The following RRP12 variants were observed in gnomAD, a reference collection of about 807,000 sequenced individuals.
The protein encoded by RRP12 is ribosomal RNA processing 12 homolog.
RRP12 carries 78 observed loss-of-function variants against 157.3 expected under a neutral mutation model. The ratio of observed to expected loss-of-function variants is 0.50; its 90% CI spans 0.41 to 0.60. RRP12 has a LOEUF of 0.60. Among genes scored for constraint, RRP12 ranks in the 20% least tolerant of loss-of-function variants. The pLI is 0.00. For missense variants in RRP12, 1,521 were observed against 1,679.9 expected (o/e 0.91, Z 1.65); for synonymous variants, 726 against 670.9 (o/e 1.08, Z -1.27).
intron 24 of RRP12, among the ~76,000 whole-genome samples, chr10:97,369,861 G>A (rs1421302384): frequency 6.6e-6 from 1 of 152,238 alleles, no homozygotes; most frequent in African/African-American, 2.4e-5. Flanking sequence ...CCAAGAGGCA[G>A]GACTAGGACT....
intron 24 of RRP12, 100 bp downstream of exon 24, chr10:97,370,067 C>T: frequency 1.2e-6 from 1 of 812,238 alleles, no homozygotes; most frequent in Non-Finnish European, 2.0e-6. Context: ...TTACTTCCTC[C>T]AGGCACCTTT....
chr10:97,393,546 T>G lies in RRP12; in HGVS notation c.530+138A>C, dbSNP rs144059256. On this transcript the variant is annotated intron_variant, in intron 4 of 33. Coordinates refer to ENST00000370992, the MANE Select transcript of RRP12 (RefSeq NM_015179.4). ...CGACGGTATGTCACATGCTGGCCCA[T>G]TCTGCATGCCTCTAGACAATGTTCA... The G allele has an allele frequency of 1.3e-4, 95 of 754,340 alleles. No homozygotes were observed. The African/African-American group carries it at 1.3e-3, about 10-fold the overall frequency. The allele number at this position is 754,340 out of a possible 1,614,324, so 46.7% of individuals were successfully genotyped here. A position where few individuals can be genotyped will look rare whatever the true frequency, so the allele number is the denominator to read the frequency against.
At position 97,393,143 on chromosome 10, in the gene RRP12, G is replaced by A. The variant is rs141298637; in HGVS notation, c.530+541C>T. 708 of 341,122 alleles carry A rather than the reference G, an allele frequency of 2.1e-3. 4 individuals are homozygous for A. In the Middle Eastern group the frequency reaches 0.03, roughly 15 times the overall value. The allele number at this position is 341,122 out of a possible 1,614,324, so 21.1% of individuals were successfully genotyped here. A position where few individuals can be genotyped will look rare whatever the true frequency, so the allele number is the denominator to read the frequency against. On this transcript the variant is annotated intron_variant, in intron 4 of 33. Coordinates refer to ENST00000370992, the MANE Select transcript of RRP12 (RefSeq NM_015179.4). ...GCCTGCCTCGGCCACCCAAAGTGCT[G>A]GGATTATAGGTGTGAACCACCGCAC...
intron 15 of RRP12, among the ~76,000 whole-genome samples, chr10:97,376,205 T>C (rs1844300461): frequency 7.2e-6 from 1 of 138,798 alleles, no homozygotes; most frequent in Non-Finnish European, 1.5e-5. Context: ...TGAATGACTT[T>C]TACTTTCTTT....
At chr10:97,371,173 G>GC in intron 20 of RRP12, 92 bp from the exon 21 acceptor site, 1 of 1,372,814 alleles carries the variant, frequency 7.3e-7, no homozygotes, top group East Asian at 2.5e-5. Flanking sequence ...GGGATTCTGA[G>GC]CAGGGGTCCG....
At position 97,366,101 on chromosome 10, in the gene RRP12, G is replaced by C. The variant is rs199981385; in HGVS notation, c.3517+7C>G. The C allele has an allele frequency of 7.2e-5, 115 of 1,601,502 alleles. No individual in the cohort carries two copies. Among genetic ancestry groups the C allele is most frequent in the Non-Finnish European group, 7.6e-5 (90 of 1,179,860 alleles). The stretch of plus-strand genomic sequence containing the variant: ...GGTGAATGAATGGACAAGCGCGTTG[G>C]GCCCACCTTTGGCACCTTCCTCTTC... On this transcript the variant is annotated splice_region_variant and intron_variant, in intron 29 of 33. Transcript: ENST00000370992.
At position 97,369,436 on chromosome 10, in the gene RRP12, C is replaced by T. The variant is rs1300287019; in HGVS notation, c.2944G>A (p.Val982Met). 1.1e-5 allele frequency: 18 copies of T among 1,611,990 alleles called. No homozygotes were observed. The highest frequency in any genetic ancestry group is 1.4e-5 in the Non-Finnish European group (17 of 1,179,238). Residue 982 changes from valine (V) to methionine (M), a missense_variant, in exon 25 of 34, where the codon GTG becomes ATG. Transcript: ENST00000370992. ...ACGGGGACACTCACCACCAGCTGCA[C>T]ATGTTTGGCCAGGTGCGCCACGTCC... ...VMDVAHLAKH[V>M]QLVMEAIGKL...
intron 2 of RRP12, 100 bp from the exon 3 acceptor site, chr10:97,396,401 G>C (rs1844966611): frequency 2.2e-6 from 2 of 925,780 alleles, no homozygotes; most frequent in African/African-American, 1.6e-5. Flanking sequence ...TCTGGTTAAA[G>C]CCCAGAGACA....
intron 5 of RRP12, 39 bp from the exon 6 acceptor site, chr10:97,390,578 G>T: frequency 6.6e-7 from 1 of 1,526,336 alleles, no homozygotes; most frequent in Non-Finnish European, 9.1e-7. Flanking sequence ...CACCAGCCTC[G>T]GCCAGGAGGG....
intron 8 of RRP12, among the ~76,000 whole-genome samples, chr10:97,387,658 C>T (rs1158268736): frequency 1.3e-5 from 2 of 150,310 alleles, no homozygotes; most frequent in Non-Finnish European, 3.0e-5. Context: ...AAAAAAAACT[C>T]GACCGGGCGC....
chr10:97,395,414 T>C (rs1365634412), intron 3 of RRP12, among the ~76,000 whole-genome samples: 3 of 151,546 alleles, frequency 2.0e-5, no homozygotes, highest in Non-Finnish European at 4.4e-5. Flanking sequence ...CAGCCAGGTG[T>C]GGTGGCGCAC....
downstream of RRP12, chr10:97,356,450 A>G (rs1253436590): frequency 6.6e-6 from 1 of 152,270 alleles, no homozygotes; most frequent in Non-Finnish European, 1.5e-5. Flanking sequence ...TGTGCCCAGG[A>G]CAGCTGGGGC....
Position 97,373,685 on chromosome 10 carries a change from G to C in RRP12, c.1916C>G (p.Ser639Cys). 6.2e-7 allele frequency: 1 copy of C among 1,614,002 alleles called. No homozygotes were observed. The change falls in exon 17 of 34, where the codon TCC becomes TGC. Residue 639 changes from serine to cysteine, a missense_variant. By Grantham distance (112) the Ser-to-Cys change is moderately radical. Transcript: ENST00000370992. ...CAGCGTCCGTGCCAGCCCTTTGAAG[G>C]AGATGGCCACATCTGTAGGCCTTGT... ...FCTRPTDVAI[S>C]FKGLARTLGM...
Position 97,390,542 on chromosome 10 carries a change from G to A in RRP12, c.637-3C>T. Reference sequence around the variant, plus strand: ...AGGGTGGCCAGGCAGGAAAGGACCTGGAAGAAAGTCAGAGTCCCTCAGTGC... The same window carrying A: ...AGGGTGGCCAGGCAGGAAAGGACCTAGAAGAAAGTCAGAGTCCCTCAGTGC... On this transcript the variant is annotated splice_polypyrimidine_tract_variant and splice_region_variant and intron_variant, in intron 5 of 33. Transcript: ENST00000370992. 1 of 1,609,932 alleles carries A rather than the reference G, an allele frequency of 6.2e-7. No homozygotes were observed. The highest frequency in any genetic ancestry group is 8.5e-7 in the Non-Finnish European group (1 of 1,176,548).
intron 28 of RRP12, 48 bp from the exon 29 acceptor site, chr10:97,366,281 T>C: frequency 2.2e-5 from 35 of 1,602,408 alleles, no homozygotes; most frequent in Non-Finnish European, 3.0e-5. Context: ...AGTCCCATGC[T>C]ACTCACCCTC....
chr10:97,400,836 T>C (rs944871072), intron 1 of RRP12, among the ~76,000 whole-genome samples: 4 of 152,180 alleles, frequency 2.6e-5, no homozygotes, highest in African/African-American at 7.2e-5. Flanking sequence ...TGTAAAGAGC[T>C]ACCCAAGGTC....
intron 4 of RRP12, among the ~76,000 whole-genome samples, chr10:97,392,121 C>CCACCA (rs1844824875): frequency 6.6e-6 from 1 of 151,802 alleles, no homozygotes; most frequent in South Asian, 2.1e-4. Flanking sequence ...CAGGTGCATG[C>CCACCA]CACCACGCCT....
intron 13 of RRP12, 108 bp from the exon 14 acceptor site, chr10:97,379,878 T>C (rs767478138): frequency 2.6e-5 from 29 of 1,097,042 alleles, no homozygotes; most frequent in Non-Finnish European, 3.6e-5. Context: ...GGTTCAACGC[T>C]ACACCAGAGG....
intron 31 of RRP12, among the ~76,000 whole-genome samples, chr10:97,359,300 A>G (rs1001188651): frequency 1.3e-5 from 2 of 152,256 alleles, no homozygotes; most frequent in South Asian, 2.1e-4. Flanking sequence ...AAAATAACCC[A>G]TATTCTCCAA....
Sources: gnomAD v4.1 joint callset for allele counts (sites outside exome capture counted in the v4.1 genomes callset) on GRCh38, gnomAD v4.1.1 for gene constraint, MANE v1.5 for transcripts, NCBI Gene and HGNC (gene_info 2026-07-23, HGNC 2026-07-21) for gene names.